LINGO2: variants seen among roughly 807,000 people sequenced by gnomAD.
LINGO2 encodes the protein leucine rich repeat and Ig domain containing 2, also known as leucine-rich repeat and immunoglobulin-like domain-containing nogo receptor-interacting protein 2.
In LINGO2, 14 loss-of-function variants were observed where a neutral mutation model predicts 30.6. The ratio of observed to expected loss-of-function variants is 0.46; its 90% confidence interval spans 0.30 to 0.72. The LOEUF (loss-of-function observed/expected upper bound fraction) is 0.72. LINGO2 is among the 30% of genes least tolerant of loss of function. The probability of loss-of-function intolerance (pLI) is 0.07; values close to 1 mark genes in which losing one functional copy is unlikely to be tolerated. For synonymous variants in LINGO2, 317 were observed against 288.5 expected, an observed-to-expected ratio of 1.10 and a Z score of -1.00; for missense variants, 729 against 751.7, an observed-to-expected ratio of 0.97 and a Z score of 0.35.
chr9:28,238,854 AT>A (rs1038853925), intron 4 of LINGO2, among the ~76,000 whole-genome samples: 24 of 152,116 alleles, frequency 1.6e-4, no homozygotes, highest in Non-Finnish European at 3.2e-4. Flanking sequence ...AATAGTTGTG[AT>A]TTTTTTGAAA....
At chr9:28,769,012 G>A in the LINGO2 span, among the ~76,000 whole-genome samples, 3 of 151,694 alleles carry the variant, frequency 2.0e-5, no homozygotes, top group Non-Finnish European at 4.4e-5. Context: ...GGTTTTCTTC[G>A]TATTATACAA....
At chr9:28,179,429 CTAT>C (rs1332822638) in intron 4 of LINGO2, among the ~76,000 whole-genome samples, 2 of 130,456 alleles carry the variant, frequency 1.5e-5, no homozygotes, top group African/African-American at 5.7e-5. Context: ...TGTATGTATA[CTAT>C]ACTATATATA....
At chr9:28,146,550 A>G (rs936706061) in intron 4 of LINGO2, among the ~76,000 whole-genome samples, 1 of 134,026 alleles carries the variant, frequency 7.5e-6, no homozygotes, top group Admixed American at 8.3e-5. Flanking sequence ...AATTTACTTA[A>G]GTGGTAAAAA....
chr9:29,084,234 T>A, the LINGO2 span, among the ~76,000 whole-genome samples: 2 of 152,134 alleles, frequency 1.3e-5, no homozygotes, highest in Non-Finnish European at 2.9e-5. Flanking sequence ...GACAAAGTGA[T>A]TAGGATTTTA....
At chr9:29,097,772 T>C in the LINGO2 span, among the ~76,000 whole-genome samples, 4 of 138,766 alleles carry the variant, frequency 2.9e-5, 1 homozygote, top group African/African-American at 8.1e-5. Flanking sequence ...TCACTAGAGA[T>C]TATAATTCAG....
chr9:27,943,553 C>T (rs1203948976), downstream of LINGO2: 3 of 151,328 alleles, frequency 2.0e-5, no homozygotes, highest in Non-Finnish European at 4.4e-5. Flanking sequence ...AGATTGCTGT[C>T]AGCTTGTGAT....
intron 4 of LINGO2, among the ~76,000 whole-genome samples, chr9:28,178,527 C>T (rs1828811024): frequency 6.6e-6 from 1 of 151,996 alleles, no homozygotes; most frequent in East Asian, 1.9e-4. Flanking sequence ...ATATTCATTA[C>T]AAAAATAAGA....
chr9:28,944,530 C>T, the LINGO2 span, among the ~76,000 whole-genome samples: 15 of 152,032 alleles, frequency 9.9e-5, no homozygotes, highest in African/African-American at 2.9e-4. Flanking sequence ...CTCAGCCTCC[C>T]GTGTAGCTGG....
chr9:27,994,995 T>G (rs76178991), intron 5 of LINGO2, among the ~76,000 whole-genome samples: 7,754 of 152,208 alleles, frequency 0.051, 365 homozygotes, highest in Admixed American at 0.1. Flanking sequence ...ATACTTTCTC[T>G]AAGTAACACT....
At chr9:28,450,022 C>T (rs966479324) in intron 2 of LINGO2, among the ~76,000 whole-genome samples, 19 of 151,966 alleles carry the variant, frequency 1.3e-4, no homozygotes, top group African/African-American at 4.3e-4. Context: ...ATGCATCACA[C>T]CATAACTTAG....
the LINGO2 span, among the ~76,000 whole-genome samples, chr9:29,117,080 A>G: frequency 2.2e-4 from 34 of 152,354 alleles, no homozygotes; most frequent in African/African-American, 7.9e-4. Flanking sequence ...ATGTAACACA[A>G]TTACATAAAG....
Position 28,149,452 on chromosome 9 carries a change from C to T in LINGO2, c.-86-137047G>A, listed in dbSNP as rs913492744. 6.7e-5 allele frequency among the ~76,000 whole-genome samples: 10 copies of T among 150,022 alleles called. No homozygotes were observed. The East Asian group carries it at 1.0e-3, about 15-fold the overall frequency. ...GCCCCACCATCTGGGCAGTGAGGAG[C>T]GCCTCTGCCCGGCCCCCGCCCTCTC... On this transcript the variant is annotated intron_variant, in intron 4 of 5. Transcript: ENST00000379992.
chr9:29,111,919 A>G, the LINGO2 span, among the ~76,000 whole-genome samples: 1 of 150,010 alleles, frequency 6.7e-6, no homozygotes, highest in African/African-American at 2.4e-5. Context: ...ACATATATTT[A>G]TATATGTGTG....
chr9:29,153,772 C>T, the LINGO2 span, among the ~76,000 whole-genome samples: 1 of 152,116 alleles, frequency 6.6e-6, no homozygotes, highest in Non-Finnish European at 1.5e-5. Flanking sequence ...AGCCTTTACT[C>T]CACATATTTG....
chr9:28,280,860 G>A (rs1587381532), intron 4 of LINGO2, among the ~76,000 whole-genome samples: 1 of 152,140 alleles, frequency 6.6e-6, no homozygotes, highest in African/African-American at 2.4e-5. Flanking sequence ...TCAAACTGAT[G>A]CTTCTCTGGG....
intron 1 of LINGO2, among the ~76,000 whole-genome samples, chr9:28,568,880 G>GTAATA (rs1456673724): frequency 6.8e-6 from 1 of 147,032 alleles, no homozygotes; most frequent in Non-Finnish European, 1.5e-5. Flanking sequence ...ATGCTAATTA[G>GTAATA]TAATATAATA....
chr9:28,503,839 C>G (rs972050347), intron 1 of LINGO2, among the ~76,000 whole-genome samples: 1 of 150,390 alleles, frequency 6.6e-6, no homozygotes, highest in African/African-American at 2.4e-5. Flanking sequence ...AGTAGAAAAT[C>G]AGAGAAAAAA....
chr9:28,609,339 T>A (rs547800196), intron 1 of LINGO2, among the ~76,000 whole-genome samples: 7 of 151,998 alleles, frequency 4.6e-5, no homozygotes, highest in African/African-American at 1.4e-4. Context: ...TTCTAACATA[T>A]GTGATAGCTG....
intron 3 of LINGO2, among the ~76,000 whole-genome samples, chr9:28,326,183 T>C (rs1378995531): frequency 1.3e-5 from 2 of 152,120 alleles, no homozygotes; most frequent in African/African-American, 4.8e-5. Context: ...ATTTTTGTAT[T>C]TTTAGCAGAG....
Sources: gnomAD v4.1 joint callset for allele counts (sites outside exome capture counted in the v4.1 genomes callset) on GRCh38, gnomAD v4.1.1 for gene constraint, MANE v1.5 for transcripts, NCBI Gene and HGNC (gene_info 2026-07-23, HGNC 2026-07-21) for gene names.